The following ABLIM2 variants were observed in gnomAD, a reference collection of about 807,000 sequenced individuals.
ABLIM2 encodes actin binding LIM protein family member 2, also known as actin-binding LIM protein 2.
Under a neutral mutation model 97.7 loss-of-function variants are expected in ABLIM2, and 53 were observed. The observed-to-expected ratio is 0.54, with a 90% CI of 0.44 to 0.68. The LOEUF (loss-of-function observed/expected upper bound fraction) is 0.68, where lower values mean the gene tolerates loss of function less well. ABLIM2 is among the 30% of genes least tolerant of loss of function. The probability of loss-of-function intolerance (pLI) is 0.00; values close to 1 mark genes in which losing one functional copy is unlikely to be tolerated. For synonymous variants in ABLIM2, 361 were observed against 345.8 expected (o/e 1.04, Z -0.49); for missense variants, 835 against 867.2 (o/e 0.96, Z 0.47).
Position 8,071,995 on chromosome 4 carries a change from A to G in ABLIM2, c.675+5633T>C. On this transcript the variant is annotated intron_variant, in intron 6 of 20. Coordinates refer to ENST00000447017, the MANE Select transcript of ABLIM2 (RefSeq NM_001130083.2). The surrounding 1 kb of genome is among the most constrained non-coding windows in gnomAD (Gnocchi z 6.2). ...GCGGCAGCTCCCCTTCTGCGGAGCCAGGCTTGTCCCCGCCCGCAGTTCCCA... is the reference window on the plus strand; with the variant it reads ...GCGGCAGCTCCCCTTCTGCGGAGCCGGGCTTGTCCCCGCCCGCAGTTCCCA... 2 of 985,464 alleles carry G rather than the reference A, an allele frequency of 2.0e-6. No homozygotes were observed. Among genetic ancestry groups the G allele is most frequent in the Non-Finnish European group, 2.4e-6 (2 of 829,972 alleles). 61.0% of individuals were successfully genotyped at this position (985,464 alleles called of 1,614,324 possible).
chr4:8,013,796 G>A (rs572055130), intron 14 of ABLIM2, among the ~76,000 whole-genome samples: 1 of 152,326 alleles, frequency 6.6e-6, no homozygotes, highest in South Asian at 2.1e-4. Context: ...GATGCTTCCA[G>A]GGAAAGGGCC....
At chr4:8,027,393 A>C (rs1203468919) in intron 12 of ABLIM2, among the ~76,000 whole-genome samples, 2 of 152,144 alleles carry the variant, frequency 1.3e-5, no homozygotes, top group Non-Finnish European at 2.9e-5. Context: ...TCTGCTCCTG[A>C]ACACAAACCC....
chr4:8,107,805 G>C lies in ABLIM2; in HGVS notation c.11-1168C>G, dbSNP rs141301789. Among the ~76,000 whole-genome samples, 1,134 of 152,334 alleles carry C rather than the reference G, an allele frequency of 7.4e-3. 9 individuals are homozygous for C. Among genetic ancestry groups the C allele is most frequent in the Middle Eastern group, 0.014 (4 of 294 alleles). On this transcript the variant is annotated intron_variant, in intron 1 of 20. Transcript: ENST00000447017. ...GTTAAGGGCTTCGATGGGATATGATGTGATCGTCTAGCTGAGCCCAACATC... is the reference window on the plus strand; with the variant it reads ...GTTAAGGGCTTCGATGGGATATGATCTGATCGTCTAGCTGAGCCCAACATC...
intron 18 of ABLIM2, among the ~76,000 whole-genome samples, chr4:7,984,078 A>G (rs2149701688): frequency 6.6e-6 from 1 of 152,346 alleles, no homozygotes; most frequent in East Asian, 1.9e-4. Context: ...ACGAAAATGA[A>G]ATAGTGTGGA....
At position 8,004,486 on chromosome 4, in the gene ABLIM2, C is replaced by A. The variant is rs1759723635; in HGVS notation, c.1618+3573G>T. Among the ~76,000 whole-genome samples, 1 of 152,180 alleles carries A rather than the reference C, an allele frequency of 6.6e-6. No individual in the cohort carries two copies. Among genetic ancestry groups the A allele is most frequent in the Non-Finnish European group, 1.5e-5 (1 of 68,024 alleles). The stretch of plus-strand genomic sequence containing the variant: ...TCCCTTCGGAAGTGCTGGGTCCTTT[C>A]TAGGGGCCACTGAGTCCTCTGGGCA... On this transcript the variant is annotated intron_variant, in intron 16 of 20. Transcript: ENST00000447017. The surrounding 1 kb of genome is among the most constrained non-coding windows in gnomAD (Gnocchi z 5.9).
chr4:8,073,715 A>C (rs184289516), intron 6 of ABLIM2, among the ~76,000 whole-genome samples: 2 of 152,264 alleles, frequency 1.3e-5, no homozygotes, highest in African/African-American at 4.8e-5. Context: ...CCACCCGCAC[A>C]GAAGGCACAA....
At chr4:7,993,490 C>T (rs1028019658) in intron 16 of ABLIM2, among the ~76,000 whole-genome samples, 1 of 152,142 alleles carries the variant, frequency 6.6e-6, no homozygotes, top group Non-Finnish European at 1.5e-5. Flanking sequence ...TCAAGACCAT[C>T]CTGGGCAACA....
chr4:8,054,455 G>C lies in ABLIM2; in HGVS notation c.764-209C>G, dbSNP rs1046834824. ...AGTCCCCGCCCCTCAGGGGCTCACA[G>C]CCCAGTTGTGGGACGGAGGCAGCAA... On this transcript the variant is annotated intron_variant, in intron 7 of 20. Coordinates refer to ENST00000447017, the MANE Select transcript of ABLIM2 (RefSeq NM_001130083.2). The surrounding 1 kb of genome is among the most constrained non-coding windows in gnomAD (Gnocchi z 4.9). Among the ~76,000 whole-genome samples, 1 of 152,358 alleles carries C rather than the reference G, an allele frequency of 6.6e-6. No homozygotes were observed. Among genetic ancestry groups the C allele is most frequent in the African/African-American group, 2.4e-5 (1 of 41,582 alleles).
rs771307722 is a variant in ABLIM2 at position 7,965,500 on chromosome 4, C to G, written c.*1490G>C. ...AGCTGGGCGGGTGAGAAGCCGAGTG[C>G]GAAACGGGACTTGGCGTGTCATGGG... On this transcript the variant is annotated 3_prime_UTR_variant, in exon 21 of 21. Coordinates refer to ENST00000447017, the MANE Select transcript of ABLIM2 (RefSeq NM_001130083.2). 6.6e-6 allele frequency: 1 copy of G among 152,486 alleles called. No homozygotes were observed. Among genetic ancestry groups the G allele is most frequent in the East Asian group, 1.9e-4 (1 of 5,176 alleles). 9.4% of individuals were successfully genotyped at this position (152,486 alleles called of 1,614,324 possible).
intron 9 of ABLIM2, among the ~76,000 whole-genome samples, chr4:8,036,572 G>C (rs141087505): frequency 6.6e-6 from 1 of 152,286 alleles, no homozygotes; most frequent in East Asian, 1.9e-4. Flanking sequence ...AAATGGGGAC[G>C]GGGTCAAAAG....
At chr4:8,152,662 A>G (rs1400052058) in intron 1 of ABLIM2, among the ~76,000 whole-genome samples, 1 of 152,232 alleles carries the variant, frequency 6.6e-6, no homozygotes, top group Admixed American at 6.5e-5. Flanking sequence ...GGACTGGGAC[A>G]GCCGCGTCCA....
rs1217677327 is a variant in ABLIM2 at position 8,124,480 on chromosome 4, G to A, written c.11-17843C>T. On this transcript the variant is annotated intron_variant, in intron 1 of 20. Coordinates refer to ENST00000447017, the MANE Select transcript of ABLIM2 (RefSeq NM_001130083.2). The surrounding 1 kb of genome is among the most constrained non-coding windows in gnomAD (Gnocchi z 6.1). The stretch of plus-strand genomic sequence containing the variant: ...GTCTCTGTGGATTTGCCTGCTCTGG[G>A]CATTTCATGCGAACGGAATCCCACA... 1.3e-5 allele frequency among the ~76,000 whole-genome samples: 2 copies of A among 152,220 alleles called. No homozygotes were observed. The highest frequency in any genetic ancestry group is 4.8e-5 in the African/African-American group (2 of 41,452).
chr4:8,052,433 T>G (rs1003212716), intron 8 of ABLIM2, among the ~76,000 whole-genome samples: 1 of 152,200 alleles, frequency 6.6e-6, no homozygotes, highest in African/African-American at 2.4e-5. Context: ...CAGCAGCTAT[T>G]TGAGAGGACA....
intron 1 of ABLIM2, among the ~76,000 whole-genome samples, chr4:8,109,382 A>G (rs1839187564): frequency 6.6e-6 from 1 of 152,194 alleles, no homozygotes. Flanking sequence ...AGACGTACTC[A>G]CTCACATCTA....
chr4:8,104,646 C>A (rs1022535033), intron 2 of ABLIM2, among the ~76,000 whole-genome samples: 1 of 152,158 alleles, frequency 6.6e-6, no homozygotes, highest in Non-Finnish European at 1.5e-5. Flanking sequence ...AATGGTGCAG[C>A]CCCCTTGGGG....
intron 14 of ABLIM2, among the ~76,000 whole-genome samples, chr4:8,014,258 C>A (rs536264294): frequency 6.6e-6 from 1 of 152,242 alleles, no homozygotes; most frequent in Non-Finnish European, 1.5e-5. Context: ...GGGGTTTCAT[C>A]CCTTAGGCCA....
intron 10 of ABLIM2, among the ~76,000 whole-genome samples, chr4:8,034,218 C>A (rs563395401): frequency 6.6e-6 from 1 of 152,266 alleles, no homozygotes; most frequent in South Asian, 2.1e-4. Flanking sequence ...ACAATAAAGC[C>A]AACACACAGC....
At chr4:8,143,160 G>GGC (rs962236285) in intron 1 of ABLIM2, among the ~76,000 whole-genome samples, 5 of 49,314 alleles carry the variant, frequency 1.0e-4, no homozygotes, top group African/African-American at 4.2e-4. Context: ...GGGCGAGAGT[G>GGC]GGGGGGGGGG....
In ABLIM2 at chr4:7,996,619, A is replaced by T. The variant is rs1435145717; in HGVS notation, c.1619-3692T>A. On this transcript the variant is annotated intron_variant, in intron 16 of 20. Coordinates refer to ENST00000447017, the MANE Select transcript of ABLIM2 (RefSeq NM_001130083.2). The surrounding 1 kb of genome is among the most constrained non-coding windows in gnomAD (Gnocchi z 4.5). The stretch of plus-strand genomic sequence containing the variant: ...TAAGAATATGATTCTTTCCAAGAAG[A>T]GGGCTATTATGTTTTGTCCCCGGTT... Among the ~76,000 whole-genome samples, 3 of 152,238 alleles carry T rather than the reference A, an allele frequency of 2.0e-5. No individual in the cohort carries two copies. Among genetic ancestry groups the T allele is most frequent in the Non-Finnish European group, 4.4e-5 (3 of 68,044 alleles).
Sources: gnomAD v4.1 joint callset for allele counts (sites outside exome capture counted in the v4.1 genomes callset) on GRCh38, gnomAD v4.1.1 for gene constraint, Gnocchi (gnomAD v3.1) non-coding constraint, MANE v1.5 for transcripts, NCBI Gene and HGNC (gene_info 2026-07-23, HGNC 2026-07-21) for gene names.